Variants in PRKCB observed in about 807,000 individuals in gnomAD.
The protein encoded by PRKCB is protein kinase C beta type.
PRKCB carries 13 observed loss-of-function variants against 81.5 expected under a neutral mutation model. The observed-to-expected ratio is 0.16, with a 90% CI of 0.10 to 0.25. The LOEUF (loss-of-function observed/expected upper bound fraction) is 0.25. Ranked by LOEUF, PRKCB falls within the 10% of genes least tolerant of loss-of-function variation. The pLI is 1.00. For missense variants in PRKCB, 509 were observed against 875.7 expected (o/e 0.58, Z 5.29); for synonymous variants, 335 against 321.4 (o/e 1.04, Z -0.45).
At chr16:24,129,074 T>C (rs1008785798) in intron 9 of PRKCB, among the ~76,000 whole-genome samples, 1 of 152,228 alleles carries the variant, frequency 6.6e-6, no homozygotes, top group Non-Finnish European at 1.5e-5. Flanking sequence ...ACGTGATTCC[T>C]CTAACCCTAA....
chr16:24,161,442 G>A (rs560129946), intron 10 of PRKCB, among the ~76,000 whole-genome samples: 41 of 152,018 alleles, frequency 2.7e-4, no homozygotes, highest in African/African-American at 9.6e-4. Context: ...TTTAGGGAGG[G>A]GTCTGTGGAT....
chr16:24,045,027 G>A (rs969072314), intron 5 of PRKCB, among the ~76,000 whole-genome samples: 7 of 152,184 alleles, frequency 4.6e-5, no homozygotes, highest in Admixed American at 4.6e-4. Flanking sequence ...TGAAGAGGCT[G>A]TGGCGGTGAG....
chr16:24,211,826 C>T (rs1485070389), intron 16 of PRKCB, among the ~76,000 whole-genome samples: 2 of 152,118 alleles, frequency 1.3e-5, no homozygotes, highest in Admixed American at 1.3e-4. Flanking sequence ...TCCCAAAGTT[C>T]AGGGATTACA....
At chr16:23,866,352 G>A (rs1013173825) in intron 2 of PRKCB, among the ~76,000 whole-genome samples, 23 of 152,186 alleles carry the variant, frequency 1.5e-4, no homozygotes, top group African/African-American at 5.3e-4. Flanking sequence ...TAGTGACATT[G>A]TCCTGCTGTG....
intron 2 of PRKCB, among the ~76,000 whole-genome samples, chr16:23,939,941 A>G (rs991866402): frequency 6.6e-5 from 10 of 152,202 alleles, no homozygotes; most frequent in African/African-American, 2.4e-4. Context: ...AATATTTGCA[A>G]ATCACTTATC....
intron 2 of PRKCB, among the ~76,000 whole-genome samples, chr16:23,966,144 A>G (rs1165357468): frequency 1.3e-5 from 2 of 152,240 alleles, no homozygotes; most frequent in African/African-American, 4.8e-5. Flanking sequence ...TTCACATCCA[A>G]TTAAGTCAAA....
At chr16:23,895,293 A>G (rs548348149) in intron 2 of PRKCB, among the ~76,000 whole-genome samples, 2 of 152,176 alleles carry the variant, frequency 1.3e-5, no homozygotes, top group East Asian at 1.9e-4. Context: ...AAATTTTCTT[A>G]TGAGCTTTGC....
At chr16:23,968,792 T>A (rs1391074651) in intron 2 of PRKCB, among the ~76,000 whole-genome samples, 1 of 152,148 alleles carries the variant, frequency 6.6e-6, no homozygotes, top group Non-Finnish European at 1.5e-5. Flanking sequence ...GGAAGGTTAT[T>A]GGGTGGCTCA....
At chr16:24,118,451 A>G (rs1403171561) in intron 8 of PRKCB, among the ~76,000 whole-genome samples, 2 of 152,202 alleles carry the variant, frequency 1.3e-5, no homozygotes, top group African/African-American at 2.4e-5. Context: ...GGGAAAATCT[A>G]CAGGGACTCC....
intron 7 of PRKCB, among the ~76,000 whole-genome samples, chr16:24,108,865 G>A (rs1345807397): frequency 2.8e-3 from 420 of 150,816 alleles, no homozygotes; most frequent in African/African-American, 9.4e-3. Flanking sequence ...ATGAGCTGTT[G>A]GGCACACCTC....
At chr16:23,909,687 A>T (rs1963620006) in intron 2 of PRKCB, among the ~76,000 whole-genome samples, 1 of 152,180 alleles carries the variant, frequency 6.6e-6, no homozygotes. Flanking sequence ...TCCCACTTGT[A>T]AGTGAGAACA....
At chr16:23,884,264 C>T (rs552060539) in intron 2 of PRKCB, among the ~76,000 whole-genome samples, 2 of 152,284 alleles carry the variant, frequency 1.3e-5, no homozygotes, top group East Asian at 3.9e-4. Flanking sequence ...ACTGCATCCA[C>T]CCCCAATGAT....
At chr16:23,999,170 G>T (rs1964999358) in intron 3 of PRKCB, among the ~76,000 whole-genome samples, 1 of 152,152 alleles carries the variant, frequency 6.6e-6, no homozygotes, top group South Asian at 2.1e-4. Context: ...TCCTTTAGCT[G>T]CCCCTGATAC....
At chr16:23,965,478 C>A (rs1018946217) in intron 2 of PRKCB, among the ~76,000 whole-genome samples, 1 of 152,206 alleles carries the variant, frequency 6.6e-6, no homozygotes, top group Non-Finnish European at 1.5e-5. Flanking sequence ...ACATAATAGA[C>A]ATTCAGGACA....
Position 24,218,696 on chromosome 16 carries a change from C to G in PRKCB, c.*3880C>G. The G allele has an allele frequency of 1.0e-6, 1 of 985,418 alleles. No individual in the cohort carries two copies. The highest frequency in any genetic ancestry group is 5.2e-4 in the Middle Eastern group (1 of 1,916). 61.0% of individuals were successfully genotyped at this position (985,418 alleles called of 1,614,324 possible). On this transcript the variant is annotated 3_prime_UTR_variant, in exon 17 of 17. Transcript: ENST00000643927. ...GCCCATTAGGGGGCTAAACCTAAAG[C>G]CTGGGTGGTGATGGCTCAAACGCTA...
At position 24,216,719 on chromosome 16, in the gene PRKCB, G is replaced by A. The variant is rs1432583560; in HGVS notation, c.*1903G>A. 2 of 985,350 alleles carry A rather than the reference G, an allele frequency of 2.0e-6. No individual in the cohort carries two copies. The highest frequency in any genetic ancestry group is 3.5e-5 in the African/African-American group (2 of 57,240). The allele number at this position is 985,350 out of a possible 1,614,324, so 61.0% of individuals were successfully genotyped here. A position where few individuals can be genotyped will look rare whatever the true frequency, so the allele number is the denominator to read the frequency against. ...ACTGTGGTGGCAATCAGGACCTAAGGTGAAGCAAACTTGAAGTTCTATCTG... is the reference window on the plus strand; with the variant it reads ...ACTGTGGTGGCAATCAGGACCTAAGATGAAGCAAACTTGAAGTTCTATCTG... On this transcript the variant is annotated 3_prime_UTR_variant, in exon 17 of 17. Transcript: ENST00000643927.
At chr16:24,091,397 G>T (rs1966375960) in intron 5 of PRKCB, among the ~76,000 whole-genome samples, 1 of 151,722 alleles carries the variant, frequency 6.6e-6, no homozygotes, top group Non-Finnish European at 1.5e-5. Context: ...ACTGTGGATT[G>T]TTCTACTGTA....
intron 2 of PRKCB, among the ~76,000 whole-genome samples, chr16:23,900,080 T>C (rs1597235520): frequency 6.6e-6 from 1 of 152,184 alleles, no homozygotes; most frequent in Admixed American, 6.5e-5. Flanking sequence ...GGAGACATTT[T>C]GTTTGTCACA....
At chr16:23,876,566 G>GTTTCTT (rs1183849813) in intron 2 of PRKCB, among the ~76,000 whole-genome samples, 10 of 131,860 alleles carry the variant, frequency 7.6e-5, no homozygotes, top group Admixed American at 7.0e-4. Flanking sequence ...AGAAGCCACG[G>GTTTCTT]TTTCTTTTTC....
Sources: allele counts gnomAD v4.1 joint callset (sites outside exome capture counted in the v4.1 genomes callset), GRCh38; gene constraint gnomAD v4.1.1; transcripts MANE v1.5; gene names NCBI Gene and HGNC (gene_info 2026-07-23, HGNC 2026-07-21).